Variants in CADM1 observed in about 807,000 individuals in gnomAD.
The protein encoded by CADM1 is cell adhesion molecule 1.
A neutral mutation model predicts 53.1 loss-of-function variants in CADM1; 15 were observed. The observed-to-expected ratio is 0.28, with a 90% CI of 0.19 to 0.44. The LOEUF is 0.44. CADM1 is among the 20% of genes least tolerant of loss of function. The pLI, the probability that CADM1 is intolerant of heterozygous loss-of-function variation, is 1.00. For synonymous variants in CADM1, 281 were observed against 243.0 expected (o/e 1.16, Z -1.45); for missense variants, 434 against 611.3 (o/e 0.71, Z 3.06).
chr11:115,418,394 T>C (rs970818683), intron 1 of CADM1, among the ~76,000 whole-genome samples: 1 of 152,140 alleles, frequency 6.6e-6, no homozygotes, highest in Non-Finnish European at 1.5e-5. Flanking sequence ...AAAAATCCTA[T>C]AGTACATGAG....
chr11:115,196,899 A>G (rs1940185372), intron 9 of CADM1, among the ~76,000 whole-genome samples: 1 of 152,216 alleles, frequency 6.6e-6, no homozygotes, highest in Non-Finnish European at 1.5e-5. Flanking sequence ...TGAAATCTAC[A>G]AATAACTGAG....
rs200929812 is a variant in CADM1, at chr11:115,407,949, CA to C, written c.124+96321del. The stretch of plus-strand genomic sequence containing the variant: ...TTTTTGTGTATTGAAGAAAGGTAAG[CA>C]ATTTTAAATGCCAAAAAAGCTCCTT... On this transcript the variant is annotated intron_variant, in intron 1 of 11. Coordinates refer to ENST00000331581, the MANE Select transcript of CADM1 (RefSeq NM_001301043.2). Among the ~76,000 whole-genome samples, 1,085 of 120,150 alleles carry C rather than the reference CA, an allele frequency of 9.0e-3. 9 individuals carry two copies. The highest frequency in any genetic ancestry group is 0.014 in the Non-Finnish European group (866 of 60,340). The allele number at this position is 120,150 out of a possible 152,430, so 78.8% of individuals were successfully genotyped here.
intron 5 of CADM1, among the ~76,000 whole-genome samples, chr11:115,219,780 G>A (rs1335378908): frequency 6.6e-6 from 1 of 152,168 alleles, no homozygotes; most frequent in African/African-American, 2.4e-5. Flanking sequence ...TGGGCATCAG[G>A]TGTGGGTTTA....
At position 115,214,598 on chromosome 11, in the gene CADM1, T is replaced by G. The variant is rs1941097243; in HGVS notation, c.994+10A>C. 6.2e-7 allele frequency: 1 copy of G among 1,612,624 alleles called. No individual in the cohort carries two copies. The highest frequency in any genetic ancestry group is 8.5e-7 in the Non-Finnish European group (1 of 1,178,804). ...ACTCTAGTAGAAGAGCATTTTATCTTCTCACGTACCGTATACATACAGCAT... is the reference window on the plus strand; with the variant it reads ...ACTCTAGTAGAAGAGCATTTTATCTGCTCACGTACCGTATACATACAGCAT... On this transcript the variant is annotated intron_variant, in intron 7 of 11. Transcript: ENST00000331581.
chr11:115,381,624 C>T (rs892879395), intron 1 of CADM1, among the ~76,000 whole-genome samples: 1 of 152,124 alleles, frequency 6.6e-6, no homozygotes, highest in African/African-American at 2.4e-5. Flanking sequence ...AGACATCTTT[C>T]TCATTCGGTT....
chr11:115,216,880 G>A (rs1488666906), intron 6 of CADM1, among the ~76,000 whole-genome samples: 1 of 152,174 alleles, frequency 6.6e-6, no homozygotes, highest in Non-Finnish European at 1.5e-5. Flanking sequence ...GATTTCTGGG[G>A]AAGCTTTGTT....
chr11:115,259,142 C>T (rs1051063710), intron 1 of CADM1, among the ~76,000 whole-genome samples: 6 of 152,008 alleles, frequency 3.9e-5, no homozygotes, highest in African/African-American at 9.7e-5. Context: ...CGTGCCACCA[C>T]GCCCAGCTAA....
chr11:115,233,944 T>G (rs1227236926), intron 3 of CADM1, among the ~76,000 whole-genome samples: 1 of 152,188 alleles, frequency 6.6e-6, no homozygotes, highest in Admixed American at 6.5e-5. Context: ...AGATCCCACT[T>G]TATCTGTATA....
In CADM1 at chr11:115,201,078, A is replaced by G. The variant is rs1221530675; in HGVS notation, c.1079-2640T>C. On this transcript the variant is annotated intron_variant, in intron 8 of 11. Coordinates refer to ENST00000331581, the MANE Select transcript of CADM1 (RefSeq NM_001301043.2). ...ATGGGAAATCCATCAACTGCACCCAAAAGGGGAGGAAAGGGGGATGTTGAG... is the reference window on the plus strand; with the variant it reads ...ATGGGAAATCCATCAACTGCACCCAGAAGGGGAGGAAAGGGGGATGTTGAG... Among the ~76,000 whole-genome samples the G allele has an allele frequency of 2.6e-5, 4 of 152,170 alleles. No individual in the cohort carries two copies. The East Asian group carries it at 7.7e-4, about 29-fold the overall frequency.
At chr11:115,497,846 T>G (rs314477) in intron 1 of CADM1, among the ~76,000 whole-genome samples, 9,940 of 152,130 alleles carry the variant, frequency 0.065, 413 homozygotes, top group African/African-American at 0.11. Flanking sequence ...TTTTCACCTG[T>G]CCAGGGCCAT....
At chr11:115,317,793 G>A (rs1274449389) in intron 1 of CADM1, among the ~76,000 whole-genome samples, 1 of 152,146 alleles carries the variant, frequency 6.6e-6, no homozygotes, top group Non-Finnish European at 1.5e-5. Flanking sequence ...AGTGGTAATT[G>A]CAAAATTATT....
In CADM1 at chr11:115,229,234, A is replaced by T; in HGVS notation, c.600T>A (p.Thr200=). ...SEVEEWSDMY[T]VTSQLMLKVH... Reference sequence around the variant, plus strand: ...CCTTCAGCATCAGCTGACTGGTCACAGTGTACATGTCTGACCACTCTTCCA... The same window carrying T: ...CCTTCAGCATCAGCTGACTGGTCACTGTGTACATGTCTGACCACTCTTCCA... The change falls in exon 5 of 12, where the codon ACT becomes ACA. Residue 200 remains threonine (T), a synonymous_variant. Transcript: ENST00000331581. 6.2e-7 allele frequency: 1 copy of T among 1,614,138 alleles called. No individual in the cohort carries two copies. Among genetic ancestry groups the T allele is most frequent in the Non-Finnish European group, 8.5e-7 (1 of 1,180,006 alleles).
intron 1 of CADM1, among the ~76,000 whole-genome samples, chr11:115,456,128 G>C (rs897117933): frequency 7.2e-5 from 11 of 152,112 alleles, no homozygotes; most frequent in Non-Finnish European, 1.5e-5. Flanking sequence ...TTTGAATCAA[G>C]TATAGTAAAA....
At chr11:115,208,170 C>CT in intron 8 of CADM1, among the ~76,000 whole-genome samples, 1 of 152,270 alleles carries the variant, frequency 6.6e-6, no homozygotes, top group East Asian at 1.9e-4. Context: ...CTGGTTGGAG[C>CT]TGAGTTTAGA....
chr11:115,501,261 G>A (rs1949720328), intron 1 of CADM1, among the ~76,000 whole-genome samples: 1 of 152,178 alleles, frequency 6.6e-6, no homozygotes, highest in African/African-American at 2.4e-5. Context: ...ACAAGTGCAA[G>A]TCCCTACTGC....
intron 7 of CADM1, among the ~76,000 whole-genome samples, chr11:115,213,968 G>A (rs945833908): frequency 6.6e-6 from 1 of 152,134 alleles, no homozygotes; most frequent in African/African-American, 2.4e-5. Context: ...AGTTTAAGAT[G>A]CCTGAAATGT....
At chr11:115,472,377 A>G (rs1949034364) in intron 1 of CADM1, among the ~76,000 whole-genome samples, 1 of 152,220 alleles carries the variant, frequency 6.6e-6, no homozygotes. Flanking sequence ...CAGAAGGAAG[A>G]GCATATATTA....
At chr11:115,274,519 A>T (rs571956792) in intron 1 of CADM1, among the ~76,000 whole-genome samples, 2 of 152,338 alleles carry the variant, frequency 1.3e-5, no homozygotes, top group South Asian at 4.1e-4. Context: ...ACAATGGTCC[A>T]GGGTAATAAT....
Position 115,211,463 on chromosome 11 carries a change from A to C in CADM1, c.995-1806T>G, listed in dbSNP as rs568789878. ...CCTGGGAGATTTCCCCTGATATACT[A>C]TAATCCTATTTCTTTTTTTTTTTTT... On this transcript the variant is annotated intron_variant, in intron 7 of 11. Transcript: ENST00000331581. Among the ~76,000 whole-genome samples, 4 of 143,650 alleles carry C rather than the reference A, an allele frequency of 2.8e-5. No homozygotes were observed. The South Asian group carries it at 8.8e-4, about 32-fold the overall frequency. 94.2% of individuals were successfully genotyped at this position (143,650 alleles called of 152,430 possible). A position where few individuals can be genotyped will look rare whatever the true frequency, so the allele number is the denominator to read the frequency against.
Sources: allele counts gnomAD v4.1 joint callset (sites outside exome capture counted in the v4.1 genomes callset), GRCh38; gene constraint gnomAD v4.1.1; transcripts MANE v1.5; gene names NCBI Gene and HGNC (gene_info 2026-07-23, HGNC 2026-07-21).